Variants in ROR1 observed in about 807,000 individuals in gnomAD.
The protein encoded by ROR1 is inactive tyrosine-protein kinase transmembrane receptor ROR1.
Under a neutral mutation model 78.8 loss-of-function variants are expected in ROR1, and 19 were observed. That is an observed-to-expected ratio of 0.24 (90% CI 0.17 to 0.35). The LOEUF is 0.35. ROR1 is among the 10% of genes least tolerant of loss of function. The pLI, the probability that ROR1 is intolerant of heterozygous loss-of-function variation, is 1.00. For missense variants in ROR1, 917 were observed against 1,177.8 expected (o/e 0.78, Z 3.24); for synonymous variants, 386 against 433.6 (o/e 0.89, Z 1.36).
chr1:63,822,533 T>G (rs74573970), intron 1 of ROR1, among the ~76,000 whole-genome samples: 1 of 152,202 alleles, frequency 6.6e-6, no homozygotes, highest in East Asian at 1.9e-4. Flanking sequence ...ACAATAATTA[T>G]TTTAATTTAA....
chr1:63,846,518 C>A (rs561387456), intron 1 of ROR1, among the ~76,000 whole-genome samples: 16 of 152,252 alleles, frequency 1.1e-4, no homozygotes, highest in African/African-American at 3.4e-4. Context: ...GGTTTCCCAA[C>A]CAGATGTACT....
intron 1 of ROR1, among the ~76,000 whole-genome samples, chr1:63,958,776 C>T (rs1441875023): frequency 6.6e-6 from 1 of 152,180 alleles, no homozygotes; most frequent in Non-Finnish European, 1.5e-5. Context: ...CATCAACATT[C>T]CAGGCAGGGA....
intron 1 of ROR1, among the ~76,000 whole-genome samples, chr1:63,847,908 G>A (rs557539351): frequency 2.2e-4 from 34 of 152,302 alleles, no homozygotes; most frequent in African/African-American, 6.3e-4. Context: ...ATGAAAGATC[G>A]TGTCTTCAAG....
intron 4 of ROR1, among the ~76,000 whole-genome samples, chr1:64,130,063 G>A (rs947637303): frequency 2.0e-5 from 3 of 152,162 alleles, no homozygotes; most frequent in Non-Finnish European, 2.9e-5. Flanking sequence ...GAAACAGGTC[G>A]AGGGACTCTT....
intron 1 of ROR1, among the ~76,000 whole-genome samples, chr1:63,811,931 G>T (rs1644862286): frequency 6.6e-6 from 1 of 150,860 alleles, no homozygotes; most frequent in East Asian, 2.0e-4. Flanking sequence ...ATAAGCTAAA[G>T]AAGGCTTTCG....
intron 1 of ROR1, among the ~76,000 whole-genome samples, chr1:63,973,845 G>A (rs1646137305): frequency 1.3e-5 from 2 of 152,162 alleles, no homozygotes; most frequent in Admixed American, 6.5e-5. Flanking sequence ...TAAGTGCTAT[G>A]TATTTATTTC....
intron 2 of ROR1, among the ~76,000 whole-genome samples, chr1:64,027,132 C>T (rs766398544): frequency 6.6e-6 from 1 of 152,164 alleles, no homozygotes. Flanking sequence ...GACACCTAAA[C>T]CTCATGAGGT....
chr1:63,953,275 GAAT>G (rs1229211025), intron 1 of ROR1, among the ~76,000 whole-genome samples: 1 of 152,122 alleles, frequency 6.6e-6, no homozygotes, highest in Non-Finnish European at 1.5e-5. Flanking sequence ...CTTGTCTATA[GAAT>G]AATAATACCA....
intron 1 of ROR1, among the ~76,000 whole-genome samples, chr1:63,822,142 GGTTCA>G (rs1644927245): frequency 6.6e-6 from 1 of 152,172 alleles, no homozygotes; most frequent in Non-Finnish European, 1.5e-5. Context: ...CTGATGTGGG[GGTTCA>G]GAGATTATGA....
rs180783490 is a variant in ROR1 at position 63,871,155 on chromosome 1, C to T, written c.91+96647C>T. ...TTCACATTATAATTTTATTGCTTTC[C>T]AGACTGATGTCTCCGAACTTAGGTA... On this transcript the variant is annotated intron_variant, in intron 1 of 8. Coordinates refer to ENST00000371079, the MANE Select transcript of ROR1 (RefSeq NM_005012.4). Among the ~76,000 whole-genome samples, 4 of 152,266 alleles carry T rather than the reference C, an allele frequency of 2.6e-5. No homozygotes were observed. The East Asian group carries it at 7.7e-4, about 29-fold the overall frequency.
At chr1:63,960,323 C>T (rs1035966283) in intron 1 of ROR1, among the ~76,000 whole-genome samples, 1 of 152,148 alleles carries the variant, frequency 6.6e-6, no homozygotes, top group African/African-American at 2.4e-5. Flanking sequence ...CTCCTTACTT[C>T]GTCGAAGCAC....
At chr1:64,105,179 T>C (rs1647745091) in intron 4 of ROR1, 3 of 152,176 alleles carry the variant, frequency 2.0e-5, no homozygotes, top group South Asian at 2.1e-4. Flanking sequence ...TGGTATCTCA[T>C]TGTGATTTTG....
At chr1:63,888,652 C>T (rs1645373469) in intron 1 of ROR1, among the ~76,000 whole-genome samples, 1 of 151,900 alleles carries the variant, frequency 6.6e-6, no homozygotes. Flanking sequence ...GATGCTCCTT[C>T]TACTTGTTTC....
chr1:63,778,492 A>G (rs1331098594), intron 1 of ROR1, among the ~76,000 whole-genome samples: 1 of 152,120 alleles, frequency 6.6e-6, no homozygotes, highest in Non-Finnish European at 1.5e-5. Flanking sequence ...TGGAGGCCCC[A>G]CTTCTCACCT....
intron 2 of ROR1, among the ~76,000 whole-genome samples, chr1:64,022,723 T>G (rs554234271): frequency 6.6e-6 from 1 of 152,354 alleles, no homozygotes; most frequent in East Asian, 1.9e-4. Flanking sequence ...TCGTAAAATG[T>G]AAATTGACTT....
At chr1:64,135,728 T>C (rs1649080152) in intron 4 of ROR1, among the ~76,000 whole-genome samples, 1 of 152,334 alleles carries the variant, frequency 6.6e-6, no homozygotes, top group East Asian at 1.9e-4. Context: ...TGCAGGATTG[T>C]GCAACAGTAA....
chr1:63,936,061 A>G (rs995883450), intron 1 of ROR1, among the ~76,000 whole-genome samples: 2 of 152,232 alleles, frequency 1.3e-5, no homozygotes, highest in Admixed American at 6.5e-5. Context: ...TTAAGTACAC[A>G]CTGGCATCCC....
intron 1 of ROR1, among the ~76,000 whole-genome samples, chr1:63,796,098 A>T (rs1462207453): frequency 3.3e-5 from 5 of 151,940 alleles, no homozygotes; most frequent in Non-Finnish European, 5.9e-5. Context: ...GTGCATATTT[A>T]TATGTGTGTA....
chr1:64,091,867 G>A lies in ROR1; in HGVS notation c.482+41151G>A, dbSNP rs568779377. 1.2e-3 allele frequency among the ~76,000 whole-genome samples: 183 copies of A among 152,266 alleles called. 5 individuals carry two copies. Among genetic ancestry groups the A allele is most frequent in the Middle Eastern group, 6.8e-3 (2 of 294 alleles). ...TCACCTCCATATCCCTGCAGGAAGCGATGGGTATGAGCAGTGTCTACTAGT... is the reference window on the plus strand; with the variant it reads ...TCACCTCCATATCCCTGCAGGAAGCAATGGGTATGAGCAGTGTCTACTAGT... On this transcript the variant is annotated intron_variant, in intron 4 of 8. Coordinates refer to ENST00000371079, the MANE Select transcript of ROR1 (RefSeq NM_005012.4).
Sources: allele counts gnomAD v4.1 joint callset (sites outside exome capture counted in the v4.1 genomes callset), GRCh38; gene constraint gnomAD v4.1.1; transcripts MANE v1.5; gene names NCBI Gene and HGNC (gene_info 2026-07-23, HGNC 2026-07-21).